ADPRHL1: variants seen among roughly 807,000 people sequenced by gnomAD.
ADPRHL1 encodes ADP-ribosylhydrolase like 1, also known as inactive ADP-ribosyltransferase ARH2.
A neutral mutation model predicts 44.1 loss-of-function variants in ADPRHL1; 43 were observed. The observed-to-expected ratio is 0.98, with a 90% CI of 0.76 to 1.26. ADPRHL1 has a LOEUF of 1.26. Among genes scored for constraint, ADPRHL1 ranks in the 50% most tolerant of loss-of-function variants. The pLI, the probability that ADPRHL1 is intolerant of heterozygous loss-of-function variation, is 0.00. For missense variants in ADPRHL1, 2,022 were observed against 2,496.9 expected, an observed-to-expected ratio of 0.81 and a Z score of 4.05; for synonymous variants, 878 against 1,017.4, an observed-to-expected ratio of 0.86 and a Z score of 2.61.
chr13:113,432,273 C>T (rs1334011159), intron 3 of ADPRHL1, among the ~76,000 whole-genome samples: 1 of 152,026 alleles, frequency 6.6e-6, no homozygotes, highest in Non-Finnish European at 1.5e-5. Flanking sequence ...TGCCGTCATG[C>T]CTGGCTAATT....
At chr13:113,429,158 C>T (rs74520894) in intron 3 of ADPRHL1, 66 bp from the exon 4 acceptor site, 164,198 of 1,555,518 alleles carry the variant, frequency 0.11, 9,213 homozygotes, top group Non-Finnish European at 0.11. Context: ...TGGGGCCGCC[C>T]GCCACGCTGC....
intron 1 of ADPRHL1, among the ~76,000 whole-genome samples, chr13:113,447,672 G>A (rs536902900): frequency 6.6e-6 from 1 of 152,318 alleles, no homozygotes; most frequent in African/African-American, 2.4e-5. Flanking sequence ...CCAGTTCTGA[G>A]TCAGGGAGGA....
intron 2 of ADPRHL1, among the ~76,000 whole-genome samples, chr13:113,434,937 CAGGTGTAGAGTGA>C (rs1405085357): frequency 2.3e-5 from 3 of 128,028 alleles, no homozygotes; most frequent in African/African-American, 6.1e-5. Flanking sequence ...ACCCGGCACC[CAGGTGTAGAGTGA>C]ACACAGGTGT....
In ADPRHL1 at chr13:113,399,835, A is replaced by C. The variant is rs2043743005; in HGVS notation, c.*3543T>G. ...TAACTCCAACAGCAGAGATACCCTGAGAACAGAATAAGGAGGTGGTGCTGA... is the reference window on the plus strand; with the variant it reads ...TAACTCCAACAGCAGAGATACCCTGCGAACAGAATAAGGAGGTGGTGCTGA... On this transcript the variant is annotated 3_prime_UTR_variant, in exon 8 of 8. Transcript: ENST00000612156. The C allele has an allele frequency of 6.6e-6, 1 of 151,990 alleles. No homozygotes were observed. The highest frequency in any genetic ancestry group is 2.4e-5 in the African/African-American group (1 of 41,406). The allele number at this position is 151,990 out of a possible 1,614,324, so 9.4% of individuals were successfully genotyped here. A position where few individuals can be genotyped will look rare whatever the true frequency, so the allele number is the denominator to read the frequency against.
At chr13:113,412,334 C>G (rs1363932012) in intron 7 of ADPRHL1, among the ~76,000 whole-genome samples, 1 of 152,188 alleles carries the variant, frequency 6.6e-6, no homozygotes, top group Non-Finnish European at 1.5e-5. Flanking sequence ...CCCGCCACCA[C>G]GCCCGGCTAA....
intron 7 of ADPRHL1, among the ~76,000 whole-genome samples, chr13:113,420,206 TTTTTC>T (rs1371019810): frequency 1.3e-5 from 2 of 152,180 alleles, no homozygotes; most frequent in East Asian, 1.9e-4. Flanking sequence ...TTTCTTTGGC[TTTTTC>T]TTTTCAACTT....
intron 1 of ADPRHL1, 127 bp from the exon 2 acceptor site, chr13:113,444,716 G>A (rs911821408): frequency 6.9e-6 from 8 of 1,164,232 alleles, no homozygotes; most frequent in Admixed American, 6.7e-5. Context: ...TCTGCCTCCC[G>A]GGTTCACTCC....
Position 113,425,178 on chromosome 13 carries a change from T to C in ADPRHL1, c.648A>G (p.Glu216=). 6.5e-7 allele frequency: 1 copy of C among 1,544,356 alleles called. No individual in the cohort carries two copies. The highest frequency in any genetic ancestry group is 8.8e-7 in the Non-Finnish European group (1 of 1,137,064). Residue 216 remains glutamate, a splice_region_variant and synonymous_variant, in exon 5 of 8, where the codon GAA becomes GAG. Coordinates refer to ENST00000612156, the MANE Select transcript of ADPRHL1 (RefSeq NM_001394807.1). ...YCRKTIRHTA[E]YQEHWFYFEA... is the part of the protein sequence containing the mutation. ...CAAAGTAAAACCAGTGCTCCTGGTA[T>C]TCTAAACATAAAGAACAAGGGGAGC...
chr13:113,407,641 C>T lies in ADPRHL1; in HGVS notation c.1641G>A (p.Val547=). The T allele has an allele frequency of 8.1e-7, 1 of 1,232,102 alleles. No individual in the cohort carries two copies. The highest frequency in any genetic ancestry group is 1.0e-6 in the Non-Finnish European group (1 of 988,012). The allele number at this position is 1,232,102 out of a possible 1,614,324, so 76.3% of individuals were successfully genotyped here. The change falls in exon 8 of 8, where the codon GTG becomes GTA. Residue 547 remains valine (V), a synonymous_variant. Transcript: ENST00000612156. ...CGAACTTCTCCCGCAGCTTGGACAG[C>T]ACCGAGCTCTTGCCCATGATCTTCG... ...LLPKIMGKSS[V]LSKLREKFEQ...
In ADPRHL1 at chr13:113,403,228, G is replaced by C. The variant is rs1019343119; in HGVS notation, c.*150C>G. 1.5e-6 allele frequency: 1 copy of C among 679,144 alleles called. No homozygotes were observed. The highest frequency in any genetic ancestry group is 2.1e-6 in the Non-Finnish European group (1 of 484,274). 42.1% of individuals were successfully genotyped at this position (679,144 alleles called of 1,614,324 possible). ...CCACATGTAGCTCAATCCTCCCAAG[G>C]TCAGCTTGTGAAGAAGGGAAAGAAA... On this transcript the variant is annotated 3_prime_UTR_variant, in exon 8 of 8. Coordinates refer to ENST00000612156, the MANE Select transcript of ADPRHL1 (RefSeq NM_001394807.1).
rs113625121 is a variant in ADPRHL1, at chr13:113,441,307, G to T, written c.379+3118C>A. Among the ~76,000 whole-genome samples the T allele has an allele frequency of 3.3e-4, 51 of 152,280 alleles. 1 individual carries two copies. Among genetic ancestry groups the T allele is most frequent in the African/African-American group, 1.2e-3 (48 of 41,554 alleles). ...ATCTTGTTTGTTTTCTACCTGTACT[G>T]TCTAGTATTTGTCCCTCCTTCCCCC... On this transcript the variant is annotated intron_variant, in intron 2 of 7. Transcript: ENST00000612156. This position sits in a 1 kb window ranked among gnomAD's most constrained non-coding sequence, Gnocchi z 6.0.
intron 4 of ADPRHL1, among the ~76,000 whole-genome samples, chr13:113,428,643 CGCTTGGT>C (rs1171819588): frequency 6.6e-6 from 1 of 152,254 alleles, no homozygotes; most frequent in Non-Finnish European, 1.5e-5. Context: ...GGCTGCCAGT[CGCTTGGT>C]GCCGCGGGCT....
Position 113,400,408 on chromosome 13 carries a change from T to C in ADPRHL1, c.*2970A>G, listed in dbSNP as rs2043751097. On this transcript the variant is annotated 3_prime_UTR_variant, in exon 8 of 8. Coordinates refer to ENST00000612156, the MANE Select transcript of ADPRHL1 (RefSeq NM_001394807.1). ...ATCTGTCTGCCTCGGCCTCCCAAAG[T>C]GCTGGGATTACAGGCATGAGCCACC... is the stretch of plus-strand genomic sequence containing the variant. 1 of 151,372 alleles carries C rather than the reference T, an allele frequency of 6.6e-6. No individual in the cohort carries two copies. Among genetic ancestry groups the C allele is most frequent in the African/African-American group, 2.4e-5 (1 of 41,222 alleles). The allele number at this position is 151,372 out of a possible 1,614,324, so 9.4% of individuals were successfully genotyped here. A position where few individuals can be genotyped will look rare whatever the true frequency, so the allele number is the denominator to read the frequency against.
chr13:113,417,444 G>A (rs747250805), intron 7 of ADPRHL1, among the ~76,000 whole-genome samples: 2 of 152,246 alleles, frequency 1.3e-5, no homozygotes, highest in Non-Finnish European at 2.9e-5. Flanking sequence ...CAGAACGTTC[G>A]CGATGTGTGT....
At chr13:113,424,488 T>C in intron 5 of ADPRHL1, 139 bp from the exon 6 acceptor site, 1 of 1,219,182 alleles carries the variant, frequency 8.2e-7, no homozygotes, top group Non-Finnish European at 1.1e-6. Context: ...TGAATCTGGC[T>C]CTGTCCCCCA....
At chr13:113,427,153 C>T (rs2043973759) in intron 4 of ADPRHL1, among the ~76,000 whole-genome samples, 1 of 152,226 alleles carries the variant, frequency 6.6e-6, no homozygotes, top group Non-Finnish European at 1.5e-5. Flanking sequence ...CAGAAACATT[C>T]CATGAACACA....
At chr13:113,423,371 T>G (rs7319774) in intron 6 of ADPRHL1, among the ~76,000 whole-genome samples, 1 of 152,120 alleles carries the variant, frequency 6.6e-6, no homozygotes, top group Non-Finnish European at 1.5e-5. Flanking sequence ...GTCAGTGAGG[T>G]GCCAGGAAGG....
Position 113,407,259 on chromosome 13 carries a change from G to A in ADPRHL1, c.2023C>T (p.Leu675=), listed in dbSNP as rs901573687. ...SGNKAVGKGP[L]EEEPQRQPRP... Reference sequence around the variant, plus strand: ...GGCTGTCTTTGGGGCTCCTCCTCCAGGGGCCCCTTTCCCACTGCTTTGTTC... The same window carrying A: ...GGCTGTCTTTGGGGCTCCTCCTCCAAGGGCCCCTTTCCCACTGCTTTGTTC... Residue 675 remains leucine (L), a synonymous_variant, in exon 8 of 8, where the codon CTG becomes TTG. Coordinates refer to ENST00000612156, the MANE Select transcript of ADPRHL1 (RefSeq NM_001394807.1). 49 of 1,232,014 alleles carry A rather than the reference G, an allele frequency of 4.0e-5. No individual in the cohort carries two copies. The highest frequency in any genetic ancestry group is 4.4e-5 in the Non-Finnish European group (43 of 988,112). 76.3% of individuals were successfully genotyped at this position (1,232,014 alleles called of 1,614,324 possible).
At chr13:113,448,828 G>A (rs1457453418) in intron 1 of ADPRHL1, among the ~76,000 whole-genome samples, 3 of 152,236 alleles carry the variant, frequency 2.0e-5, no homozygotes, top group Non-Finnish European at 4.4e-5. Context: ...TGGTTGCTCC[G>A]TTTAATCCTC....
Sources: gnomAD v4.1 joint callset for allele counts (sites outside exome capture counted in the v4.1 genomes callset) on GRCh38, gnomAD v4.1.1 for gene constraint, Gnocchi (gnomAD v3.1) non-coding constraint, MANE v1.5 for transcripts, NCBI Gene and HGNC (gene_info 2026-07-23, HGNC 2026-07-21) for gene names.